Variants in CIROZ observed in about 807,000 individuals in gnomAD.
The protein encoded by CIROZ is ciliated left-right organizer protein containing ZP-N domains, also known as ciliated left-right organizer ZP-N domains-containing protein.
At chr1:10,955,098 G>GGTTTCCTCAATGTAGGAACCTAGTCAAA in the CIROZ span, 1 of 1,614,000 alleles carries the variant, frequency 6.2e-7, no homozygotes, top group Non-Finnish European at 8.5e-7. Flanking sequence ...TGAGGCTCAG[G>GGTTTCCTCAATGTAGGAACCTAGTCAAA]GTTTCCTCAA....
the CIROZ span, among the ~76,000 whole-genome samples, chr1:10,963,285 A>G: frequency 1.7e-4 from 26 of 152,118 alleles, no homozygotes; most frequent in South Asian, 4.1e-4. Flanking sequence ...GCTACTTGGG[A>G]GGCTGAGGCA....
the CIROZ span, chr1:10,956,969 C>T: frequency 2.8e-6 from 4 of 1,428,020 alleles, no homozygotes; most frequent in South Asian, 5.3e-5. Context: ...AGAAAACAGA[C>T]CAGAATGTGA....
chr1:10,966,952 C>A, the CIROZ span, among the ~76,000 whole-genome samples: 1 of 151,922 alleles, frequency 6.6e-6, no homozygotes, highest in Non-Finnish European at 1.5e-5. Flanking sequence ...AGTTCAAGAC[C>A]AACCCGGCCA....
chr1:10,948,806 C>T, the CIROZ span: 13 of 1,511,888 alleles, frequency 8.6e-6, no homozygotes, highest in South Asian at 1.4e-5. Flanking sequence ...GGCCTCTTCT[C>T]GCCGGTTTGG....
At chr1:10,947,884 G>C in the CIROZ span, 1 of 1,613,052 alleles carries the variant, frequency 6.2e-7, no homozygotes, top group East Asian at 2.2e-5. Flanking sequence ...CTGGACGTGT[G>C]TGCAACCCCC....
At chr1:10,976,107 G>A in the CIROZ span, 2 of 1,481,834 alleles carry the variant, frequency 1.3e-6, no homozygotes, top group Non-Finnish European at 9.1e-7. Context: ...CTGCTCATTG[G>A]GGAAATATCC....
the CIROZ span, chr1:10,956,892 C>T: frequency 6.5e-6 from 5 of 770,794 alleles, no homozygotes; most frequent in East Asian, 1.5e-4. Flanking sequence ...AAACGCATAG[C>T]CAAGGTTGGG....
chr1:10,949,362 C>T, the CIROZ span: 3 of 530,942 alleles, frequency 5.7e-6, no homozygotes, highest in African/African-American at 1.9e-5. Context: ...TTGGCTGTGT[C>T]TCAAGGCCCT....
chr1:10,949,955 G>A, the CIROZ span: 1 of 712,746 alleles, frequency 1.4e-6, no homozygotes. Flanking sequence ...GTCCTGGGTT[G>A]GGAAATGTCC....
the CIROZ span, chr1:10,964,000 C>T: frequency 7.7e-6 from 9 of 1,167,012 alleles, no homozygotes; most frequent in South Asian, 1.6e-5. Flanking sequence ...ACTGCATCTG[C>T]AGCTACCACC....
chr1:10,948,369 TG>T, the CIROZ span: 1 of 1,613,530 alleles, frequency 6.2e-7, no homozygotes, highest in Non-Finnish European at 8.5e-7. Flanking sequence ...CGCCAATGGC[TG>T]GAACTCCTCA....
At chr1:10,950,265 C>T in the CIROZ span, among the ~76,000 whole-genome samples, 6 of 152,154 alleles carry the variant, frequency 3.9e-5, no homozygotes, top group Admixed American at 1.3e-4. Flanking sequence ...GAACTCCCGA[C>T]CTCAAATGAT....
At chr1:10,949,536 C>A in the CIROZ span, 1 of 1,440,882 alleles carries the variant, frequency 6.9e-7, no homozygotes, top group Non-Finnish European at 9.5e-7. Flanking sequence ...AAGAGAAGGG[C>A]CTCAGGCCCA....
At chr1:10,961,114 A>AGG in the CIROZ span, among the ~76,000 whole-genome samples, 7 of 152,344 alleles carry the variant, frequency 4.6e-5, no homozygotes, top group Admixed American at 3.9e-4. Context: ...CGCCCGAGTG[A>AGG]GGAGTCGTTT....
the CIROZ span, chr1:10,954,167 G>C: frequency 6.2e-7 from 1 of 1,605,420 alleles, no homozygotes; most frequent in Non-Finnish European, 8.5e-7. Context: ...GAAATTAGTT[G>C]CACATTGGCT....
the CIROZ span, chr1:10,957,605 C>T: frequency 9.3e-6 from 15 of 1,613,582 alleles, no homozygotes; most frequent in Non-Finnish European, 1.1e-5. Context: ...AGCCTGCTGC[C>T]CACCACTGAC....
At chr1:10,981,511 G>A in the CIROZ span, among the ~76,000 whole-genome samples, 1 of 150,124 alleles carries the variant, frequency 6.7e-6, no homozygotes, top group Non-Finnish European at 1.5e-5. Flanking sequence ...GGAAAGGGAA[G>A]GAAGGAAGGA....
the CIROZ span, chr1:10,948,725 T>C: frequency 6.4e-7 from 1 of 1,559,132 alleles, no homozygotes; most frequent in Non-Finnish European, 8.7e-7. Context: ...CAGGGATCCC[T>C]GCTTCCCCTG....
chr1:10,951,745 A>AAAAAAAAAAAAAATATATATATAT, the CIROZ span, among the ~76,000 whole-genome samples: 1 of 119,206 alleles, frequency 8.4e-6, no homozygotes, highest in African/African-American at 3.6e-5. Flanking sequence ...AAAAAAAAAA[A>AAAAAAAAAAAAAATATATATATAT]ATATATATAT....
Sources: allele counts gnomAD v4.1 joint callset (sites outside exome capture counted in the v4.1 genomes callset), GRCh38; gene constraint gnomAD v4.1.1; transcripts MANE v1.5; gene names NCBI Gene and HGNC (gene_info 2026-07-23, HGNC 2026-07-21).